The following CSMD1 variants were observed in gnomAD, a reference collection of about 807,000 sequenced individuals.
The protein encoded by CSMD1 is CUB and sushi domain-containing protein 1.
In CSMD1, 213 loss-of-function variants were observed where a neutral mutation model predicts 417.5. That is an observed-to-expected ratio of 0.51 (90% CI 0.46 to 0.57). CSMD1 has a LOEUF of 0.57. Ranked by LOEUF, CSMD1 falls within the 20% of genes least tolerant of loss-of-function variation. The pLI is 0.00. For synonymous variants in CSMD1, 2,862 were observed against 1,736.8 expected, an observed-to-expected ratio of 1.65 and a Z score of -16.11; for missense variants, 6,923 against 4,529.7, an observed-to-expected ratio of 1.53 and a Z score of -15.17.
At chr8:3,684,101 A>G (rs1421531816) in intron 7 of CSMD1, among the ~76,000 whole-genome samples, 2 of 146,012 alleles carry the variant, frequency 1.4e-5, no homozygotes, top group African/African-American at 5.0e-5. Flanking sequence ...ATGTATAGAT[A>G]TTATATATTA....
intron 1 of CSMD1, among the ~76,000 whole-genome samples, chr8:4,680,930 C>T (rs150516283): frequency 6.9e-6 from 1 of 144,978 alleles, no homozygotes; most frequent in African/African-American, 2.6e-5. Flanking sequence ...CACACACAAA[C>T]CCCTAATCTA....
chr8:3,358,282 T>G (rs1042827946), intron 21 of CSMD1, among the ~76,000 whole-genome samples: 5 of 152,184 alleles, frequency 3.3e-5, no homozygotes, highest in Non-Finnish European at 5.9e-5. Context: ...CTCATCTCCC[T>G]TTTTTCTTCA....
chr8:3,843,748 G>A (rs1049920081), intron 5 of CSMD1, among the ~76,000 whole-genome samples: 1 of 152,174 alleles, frequency 6.6e-6, no homozygotes, highest in Admixed American at 6.5e-5. Flanking sequence ...TTCGGGAAAT[G>A]TTTTAAAGCA....
intron 4 of CSMD1, among the ~76,000 whole-genome samples, chr8:4,016,683 G>A (rs1025808441): frequency 6.6e-6 from 1 of 152,194 alleles, no homozygotes; most frequent in Non-Finnish European, 1.5e-5. Flanking sequence ...AAGAGCTTCA[G>A]CAAAATAGAT....
At chr8:3,370,281 C>A (rs993084044) in intron 18 of CSMD1, among the ~76,000 whole-genome samples, 1 of 152,124 alleles carries the variant, frequency 6.6e-6, no homozygotes, top group African/African-American at 2.4e-5. Context: ...AAGCACTGAA[C>A]TGAAAAAGAA....
At chr8:3,423,908 C>G (rs1342674147) in intron 12 of CSMD1, among the ~76,000 whole-genome samples, 1 of 152,062 alleles carries the variant, frequency 6.6e-6, no homozygotes, top group Admixed American at 6.6e-5. Context: ...TAATGGCGAC[C>G]CTCAAATAAA....
intron 3 of CSMD1, among the ~76,000 whole-genome samples, chr8:4,176,688 T>C (rs1051765566): frequency 6.6e-6 from 1 of 150,744 alleles, no homozygotes; most frequent in South Asian, 2.1e-4. Context: ...GAAAGCCATC[T>C]CACGTGCAGA....
chr8:4,529,019 GTGA>G (rs1231816986), intron 2 of CSMD1, among the ~76,000 whole-genome samples: 1 of 152,142 alleles, frequency 6.6e-6, no homozygotes, highest in Non-Finnish European at 1.5e-5. Flanking sequence ...CATTTTCTTT[GTGA>G]TGATATATGT....
At chr8:4,609,444 C>T (rs1402289312) in intron 2 of CSMD1, among the ~76,000 whole-genome samples, 2 of 152,102 alleles carry the variant, frequency 1.3e-5, no homozygotes, top group East Asian at 1.9e-4. Context: ...AAGCCTCATT[C>T]CTAGCTGGGG....
At position 3,646,884 on chromosome 8, in the gene CSMD1, T is replaced by C. The variant is rs371020124; in HGVS notation, c.1010-30087A>G. On this transcript the variant is annotated intron_variant, in intron 7 of 69. Coordinates refer to ENST00000635120, the MANE Select transcript of CSMD1 (RefSeq NM_033225.6). ...AATTTGGGTCACACGAGCCTGTTCC[T>C]CTAGTTTTGATGAGTAGGCTTAGGT... Among the ~76,000 whole-genome samples the C allele has an allele frequency of 3.0e-4, 45 of 152,262 alleles. No homozygotes were observed. In the East Asian group the frequency reaches 6.6e-3, roughly 22 times the overall value.
chr8:3,318,429 C>T (rs950279138), intron 23 of CSMD1, among the ~76,000 whole-genome samples: 1 of 152,002 alleles, frequency 6.6e-6, no homozygotes, highest in African/African-American at 2.4e-5. Context: ...TGCTAGACGC[C>T]GAAGATACAA....
chr8:4,473,298 G>C (rs1170507761), intron 2 of CSMD1, among the ~76,000 whole-genome samples: 1 of 152,178 alleles, frequency 6.6e-6, no homozygotes, highest in Admixed American at 6.5e-5. Flanking sequence ...GACAATCAAT[G>C]TGAGTTCTTA....
intron 5 of CSMD1, among the ~76,000 whole-genome samples, chr8:3,825,452 C>A (rs553980596): frequency 6.8e-4 from 104 of 152,186 alleles, no homozygotes; most frequent in Middle Eastern, 6.8e-3. Flanking sequence ...TCGCTTGAAC[C>A]TGGGAAGTGG....
rs114820235 is a variant in CSMD1, at chr8:4,419,484, C to A, written c.415+469G>T. 5.7e-3 allele frequency among the ~76,000 whole-genome samples: 868 copies of A among 152,228 alleles called. 3 individuals carry two copies. The highest frequency in any genetic ancestry group is 0.02 in the African/African-American group (812 of 41,554). On this transcript the variant is annotated intron_variant, in intron 3 of 69. Coordinates refer to ENST00000635120, the MANE Select transcript of CSMD1 (RefSeq NM_033225.6). The stretch of plus-strand genomic sequence containing the variant: ...AAAACAAATAAGTCTCTATGCCTTG[C>A]ATGATCAAACAACAGTAAAAGCAAA...
At chr8:3,121,104 G>A (rs1817178345) in intron 41 of CSMD1, among the ~76,000 whole-genome samples, 1 of 151,958 alleles carries the variant, frequency 6.6e-6, no homozygotes, top group Admixed American at 6.6e-5. Context: ...AAAAAAAATA[G>A]GGAGAGACTC....
chr8:3,922,447 T>C lies in CSMD1; in HGVS notation c.818+75456A>G, dbSNP rs147535140. Among the ~76,000 whole-genome samples, 273 of 152,218 alleles carry C rather than the reference T, an allele frequency of 1.8e-3. 2 individuals carry two copies. Among genetic ancestry groups the C allele is most frequent in the Non-Finnish European group, 1.6e-3 (111 of 67,980 alleles). On this transcript the variant is annotated intron_variant, in intron 5 of 69. Transcript: ENST00000635120. The stretch of plus-strand genomic sequence containing the variant: ...TTCTTGGACTGTTTCATCATTAATA[T>C]ATTCTGTTCTGTTTCTCGTCACATT...
intron 7 of CSMD1, among the ~76,000 whole-genome samples, chr8:3,665,672 G>C (rs1798651891): frequency 6.6e-6 from 1 of 152,100 alleles, no homozygotes; most frequent in Non-Finnish European, 1.5e-5. Context: ...GGGACAAACA[G>C]AAAGATAAAA....
intron 2 of CSMD1, among the ~76,000 whole-genome samples, chr8:4,479,463 A>G (rs1800972978): frequency 6.6e-6 from 1 of 152,228 alleles, no homozygotes; most frequent in African/African-American, 2.4e-5. Context: ...AACTTACCAT[A>G]CAACCAAAAT....
intron 18 of CSMD1, among the ~76,000 whole-genome samples, chr8:3,382,095 TA>T (rs1366797422): frequency 6.6e-6 from 1 of 151,864 alleles, no homozygotes; most frequent in Non-Finnish European, 1.5e-5. Flanking sequence ...CTGTCTCTAC[TA>T]AAAAATACAA....
Sources: gnomAD v4.1 joint callset for allele counts (sites outside exome capture counted in the v4.1 genomes callset) on GRCh38, gnomAD v4.1.1 for gene constraint, MANE v1.5 for transcripts, NCBI Gene and HGNC (gene_info 2026-07-23, HGNC 2026-07-21) for gene names.